ANAPC16: variants seen among roughly 807,000 people sequenced by gnomAD.
ANAPC16 encodes anaphase-promoting complex subunit 16.
Under a neutral mutation model 13.1 loss-of-function variants are expected in ANAPC16, and 6 were observed. The ratio of observed to expected loss-of-function variants is 0.46; its 90% CI spans 0.25 to 0.90. The LOEUF is 0.90. Ranked by LOEUF, ANAPC16 falls within the 40% of genes least tolerant of loss-of-function variation. The probability of loss-of-function intolerance (pLI) is 0.18; values close to 1 mark genes in which losing one functional copy is unlikely to be tolerated. For missense variants in ANAPC16, 113 were observed against 131.1 expected (o/e 0.86, Z 0.67); for synonymous variants, 55 against 51.3 (o/e 1.07, Z -0.31).
At chr10:72,229,488 G>A (rs937139627) in intron 2 of ANAPC16, among the ~76,000 whole-genome samples, 5 of 151,964 alleles carry the variant, frequency 3.3e-5, no homozygotes, top group African/African-American at 7.3e-5. Flanking sequence ...TAGTGCTAAC[G>A]TGAAGTACTG....
At chr10:72,220,711 G>T (rs1399351515) in intron 1 of ANAPC16, 1 of 57,204 alleles carries the variant, frequency 1.7e-5, no homozygotes, top group African/African-American at 1.0e-4. Context: ...TTTGCAACTA[G>T]CAAAAAAAAA....
rs1395714165 is a variant in ANAPC16 at position 72,218,164 on chromosome 10, AAATATATATATATATATATAT to A, written c.-28+2028_-28+2048del. Among the ~76,000 whole-genome samples the A allele has an allele frequency of 6.9e-3, 152 of 22,074 alleles. 7 individuals are homozygous for A. The highest frequency in any genetic ancestry group is 0.038 in the Middle Eastern group (1 of 26). 14.5% of individuals were successfully genotyped at this position (22,074 alleles called of 152,430 possible). On this transcript the variant is annotated intron_variant, in intron 1 of 3. Transcript: ENST00000299381. ...CTGTCTCAAAAAAAAAAAAAAAAAAAAATATATATATATATATATATATATATATATATATATATATATATA... is the reference window on the plus strand; with the variant it reads ...CTGTCTCAAAAAAAAAAAAAAAAAAAATATATATATATATATATATATATA...
At chr10:72,229,940 G>A (rs1044249185) in intron 2 of ANAPC16, among the ~76,000 whole-genome samples, 3 of 152,098 alleles carry the variant, frequency 2.0e-5, no homozygotes, top group African/African-American at 7.2e-5. Context: ...CCTCAGCTTT[G>A]TTTTTTAGAC....
Position 72,223,832 on chromosome 10 carries a change from ATGT to A in ANAPC16, c.-27-52_-27-50del, listed in dbSNP as rs1376959595. 9.0e-6 allele frequency: 12 copies of A among 1,330,784 alleles called. No individual in the cohort carries two copies. In the East Asian group the frequency reaches 1.5e-4, roughly 17 times the overall value. The allele number at this position is 1,330,784 out of a possible 1,614,324, so 82.4% of individuals were successfully genotyped here. ...TGGCCCTTACAGCAGCTAGAATGAA[ATGT>A]TGTCACTCTCACTTCCATAAACTTG... On this transcript the variant is annotated intron_variant, in intron 1 of 3. Coordinates refer to ENST00000299381, the MANE Select transcript of ANAPC16 (RefSeq NM_173473.4).
intron 2 of ANAPC16, among the ~76,000 whole-genome samples, chr10:72,227,366 G>A (rs1020394897): frequency 1.3e-5 from 2 of 152,042 alleles, no homozygotes; most frequent in African/African-American, 4.8e-5. Flanking sequence ...GGAGAAATGT[G>A]TTGTGTTTCT....
At chr10:72,232,569 AAG>A (rs1173766303) in intron 3 of ANAPC16, among the ~76,000 whole-genome samples, 2 of 150,118 alleles carry the variant, frequency 1.3e-5, no homozygotes, top group Admixed American at 6.7e-5. Flanking sequence ...CCCCCAAAAA[AAG>A]AGAGAGAATC....
At chr10:72,216,866 G>GGTGC (rs1365558056) in intron 1 of ANAPC16, 1 of 456,068 alleles carries the variant, frequency 2.2e-6, no homozygotes. Flanking sequence ...GTATTTGTTT[G>GGTGC]ACAAAATTTT....
chr10:72,231,505 T>C (rs1182401198), intron 3 of ANAPC16, among the ~76,000 whole-genome samples: 3 of 152,170 alleles, frequency 2.0e-5, no homozygotes, highest in African/African-American at 7.2e-5. Flanking sequence ...AGTGAGACCC[T>C]GTCTCTGGAA....
chr10:72,218,203 T>A (rs1258865660), intron 1 of ANAPC16, among the ~76,000 whole-genome samples: 10 of 98,228 alleles, frequency 1.0e-4, no homozygotes, highest in South Asian at 3.3e-4. Flanking sequence ...TATATATATA[T>A]ATATATATAT....
chr10:72,223,921 G>C lies in ANAPC16; in HGVS notation c.7G>C (p.Ala3Pro). Residue 3 changes from alanine to proline, a missense_variant, in exon 2 of 4, where the codon GCT becomes CCT. Ala to Pro is a conservative substitution (Grantham distance 27). Coordinates refer to ENST00000299381, the MANE Select transcript of ANAPC16 (RefSeq NM_173473.4). MA[A>P]SSSSSSAGGV... ...GAACTCTGCTAGAGAGGAAATGGCT[G>C]CTTCATCATCATCCTCCTCAGCTGG... 6.3e-7 allele frequency: 1 copy of C among 1,599,040 alleles called. No homozygotes were observed. Among genetic ancestry groups the C allele is most frequent in the Non-Finnish European group, 8.6e-7 (1 of 1,168,798 alleles).
intron 1 of ANAPC16, among the ~76,000 whole-genome samples, chr10:72,221,734 T>C (rs1859942452): frequency 6.9e-6 from 1 of 145,252 alleles, no homozygotes; most frequent in African/African-American, 2.6e-5. Context: ...AAATTTTTTT[T>C]TTTTTTTTTT....
At chr10:72,232,837 C>G (rs2133698540) in intron 3 of ANAPC16, among the ~76,000 whole-genome samples, 164 bp from the exon 4 acceptor site, 1 of 152,130 alleles carries the variant, frequency 6.6e-6, no homozygotes, top group South Asian at 2.1e-4. Flanking sequence ...ATCTCTTGAC[C>G]TCGTGATCCG....
At position 72,224,025 on chromosome 10, in the gene ANAPC16, C is replaced by T. The variant is rs749533516; in HGVS notation, c.111C>T (p.Thr37=). Residue 37 remains threonine (T), a synonymous_variant, in exon 2 of 4, where the codon ACC becomes ACT. Coordinates refer to ENST00000299381, the MANE Select transcript of ANAPC16 (RefSeq NM_173473.4). Reference sequence around the variant, plus strand: ...CCCCACCACGGAAAGCCCTTTTCACCTACCCCAAAGGAGCTGGAGAGATGT... The same window carrying T: ...CCCCACCACGGAAAGCCCTTTTCACTTACCCCAAAGGAGCTGGAGAGATGT... ...DLAPPRKALF[T]YPKGAGEMLE... 12 of 1,611,342 alleles carry T rather than the reference C, an allele frequency of 7.4e-6. No homozygotes were observed. The East Asian group carries it at 2.7e-4, about 36-fold the overall frequency.
At chr10:72,219,014 G>T (rs1416291823) in intron 1 of ANAPC16, among the ~76,000 whole-genome samples, 1 of 152,164 alleles carries the variant, frequency 6.6e-6, no homozygotes, top group African/African-American at 2.4e-5. Flanking sequence ...AGTTGCTTGG[G>T]TGCTCTGCTC....
chr10:72,218,047 A>G (rs1020487955), intron 1 of ANAPC16, among the ~76,000 whole-genome samples: 1 of 150,552 alleles, frequency 6.6e-6, no homozygotes, highest in Admixed American at 6.6e-5. Flanking sequence ...TAAGACAACT[A>G]AGGAACAAAA....
At chr10:72,231,296 G>C (rs767931410) in intron 3 of ANAPC16, among the ~76,000 whole-genome samples, 4 of 152,152 alleles carry the variant, frequency 2.6e-5, no homozygotes, top group Non-Finnish European at 5.9e-5. Flanking sequence ...CCAGCACGTT[G>C]GGAGGCTGAA....
chr10:72,230,089 G>A (rs1182204534), intron 2 of ANAPC16, among the ~76,000 whole-genome samples: 1 of 152,182 alleles, frequency 6.6e-6, no homozygotes, highest in African/African-American at 2.4e-5. Context: ...GAGGAGGGAA[G>A]TGTTGACCAG....
At position 72,230,666 on chromosome 10, in the gene ANAPC16, G is replaced by A. The variant is rs546636041; in HGVS notation, c.217+226G>A. 2.6e-5 allele frequency among the ~76,000 whole-genome samples: 4 copies of A among 151,980 alleles called. No homozygotes were observed. The highest frequency in any genetic ancestry group is 1.3e-4 in the Admixed American group (2 of 15,244). On this transcript the variant is annotated intron_variant, in intron 3 of 3. Transcript: ENST00000299381. ...TCCCAGCACTTTGGGAGGCTGAGGCGGGTGGATCACTTGAGGTCAGGAGTT... is the reference window on the plus strand; with the variant it reads ...TCCCAGCACTTTGGGAGGCTGAGGCAGGTGGATCACTTGAGGTCAGGAGTT...
At chr10:72,226,018 ATT>A (rs376574019) in intron 2 of ANAPC16, among the ~76,000 whole-genome samples, 21 of 142,306 alleles carry the variant, frequency 1.5e-4, no homozygotes, top group African/African-American at 2.8e-4. Flanking sequence ...AAGTGTTGCA[ATT>A]TTTTTTTTTT....
Sources: gnomAD v4.1 joint callset for allele counts (sites outside exome capture counted in the v4.1 genomes callset) on GRCh38, gnomAD v4.1.1 for gene constraint, MANE v1.5 for transcripts, NCBI Gene and HGNC (gene_info 2026-07-23, HGNC 2026-07-21) for gene names.